Variants in TNNI3K observed in about 807,000 individuals in gnomAD.
The protein encoded by TNNI3K is serine/threonine-protein kinase TNNI3K.
In TNNI3K, 140 loss-of-function variants were observed where a neutral mutation model predicts 114.5. The observed-to-expected ratio is 1.22, with a 90% confidence interval of 1.07 to 1.41. The LOEUF is 1.41. Among genes scored for constraint, TNNI3K ranks in the 40% most tolerant of loss-of-function variants. The pLI, the probability that TNNI3K is intolerant of heterozygous loss-of-function variation, is 0.00. For missense variants in TNNI3K, 1,125 were observed against 1,007.6 expected (o/e 1.12, Z -1.58); for synonymous variants, 347 against 347.5 (o/e 1.00, Z 0.02).
intron 2 of TNNI3K, among the ~76,000 whole-genome samples, chr1:74,247,690 C>T (rs1654662805): frequency 6.6e-6 from 1 of 152,170 alleles, no homozygotes; most frequent in Non-Finnish European, 1.5e-5. Flanking sequence ...TCCAAGTCCC[C>T]ACCAGATTAG....
At position 74,417,146 on chromosome 1, in the gene TNNI3K, G is replaced by A. The variant is rs574906232; in HGVS notation, c.1773-18934G>A. Reference sequence around the variant, plus strand: ...AAAGAGAGAGAAATGCGTAATAATGGCATTTTGATTATTCAGGGAAATATA... The same window carrying A: ...AAAGAGAGAGAAATGCGTAATAATGACATTTTGATTATTCAGGGAAATATA... On this transcript the variant is annotated intron_variant, in intron 17 of 24. Coordinates refer to ENST00000326637, the MANE Select transcript of TNNI3K (RefSeq NM_015978.3). Among the ~76,000 whole-genome samples the A allele has an allele frequency of 2.6e-5, 4 of 152,102 alleles. No individual in the cohort carries two copies. In the South Asian group the frequency reaches 8.3e-4, roughly 32 times the overall value.
intron 21 of TNNI3K, among the ~76,000 whole-genome samples, chr1:74,486,234 G>GAGAGAGAGAGAGAGAGT (rs1381381282): frequency 1.8e-5 from 1 of 56,262 alleles, no homozygotes; most frequent in African/African-American, 4.2e-5. Flanking sequence ...AGAGAGAGAG[G>GAGAGAGAGAGAGAGAGT]TGGGAAATAT....
chr1:74,354,778 TAAAG>T (rs1170464628), intron 11 of TNNI3K, among the ~76,000 whole-genome samples: 8 of 152,216 alleles, frequency 5.3e-5, no homozygotes, highest in African/African-American at 1.7e-4. Flanking sequence ...TATAAGATTG[TAAAG>T]ATTAAATGAG....
intron 17 of TNNI3K, among the ~76,000 whole-genome samples, chr1:74,425,991 G>T (rs982896952): frequency 1.3e-5 from 1 of 75,252 alleles, no homozygotes; most frequent in African/African-American, 5.5e-5. Flanking sequence ...GACGCTGAAA[G>T]GTTCAGTGAA....
chr1:74,478,669 C>T (rs1391198573), intron 21 of TNNI3K, among the ~76,000 whole-genome samples: 1 of 152,174 alleles, frequency 6.6e-6, no homozygotes, highest in African/African-American at 2.4e-5. Flanking sequence ...ACGAGAAGTG[C>T]TGCAGTGAGT....
rs569714335 is a variant in TNNI3K, at chr1:74,289,770, T to A, written c.444+18062T>A. ...AACCTCATACTTAGAAAATTATATG[T>A]GTCTAGTCCTTCTCCAACTTGATTT... On this transcript the variant is annotated intron_variant, in intron 5 of 24. Transcript: ENST00000326637. Among the ~76,000 whole-genome samples the A allele has an allele frequency of 2.6e-5, 4 of 152,074 alleles. No individual in the cohort carries two copies. The South Asian group carries it at 8.3e-4, about 32-fold the overall frequency.
At chr1:74,308,785 G>A (rs919645807) in intron 5 of TNNI3K, among the ~76,000 whole-genome samples, 1 of 151,904 alleles carries the variant, frequency 6.6e-6, no homozygotes, top group African/African-American at 2.4e-5. Flanking sequence ...AAAGAGAGAA[G>A]ACTCAAATAA....
intron 20 of TNNI3K, among the ~76,000 whole-genome samples, chr1:74,445,298 C>T (rs1162075442): frequency 6.8e-6 from 1 of 146,042 alleles, no homozygotes; most frequent in Non-Finnish European, 1.5e-5. Flanking sequence ...TATACATGTG[C>T]CGTGCTGGTG....
chr1:74,405,647 G>A (rs1664579064), intron 17 of TNNI3K, among the ~76,000 whole-genome samples: 1 of 151,984 alleles, frequency 6.6e-6, no homozygotes, highest in African/African-American at 2.4e-5. Context: ...CACATCAGGA[G>A]GAAAGATTAA....
chr1:74,310,769 GT>G (rs914662593), intron 5 of TNNI3K, among the ~76,000 whole-genome samples: 12 of 152,230 alleles, frequency 7.9e-5, no homozygotes, highest in African/African-American at 2.9e-4. Flanking sequence ...TTGTTTTAAT[GT>G]TTTTTAATGA....
intron 17 of TNNI3K, among the ~76,000 whole-genome samples, chr1:74,433,353 G>C (rs1665979814): frequency 6.6e-6 from 1 of 152,030 alleles, no homozygotes; most frequent in Non-Finnish European, 1.5e-5. Context: ...CACAGGTTCT[G>C]CCAGCTTCAA....
chr1:74,412,328 A>G (rs1382793200), intron 17 of TNNI3K, among the ~76,000 whole-genome samples: 1 of 152,086 alleles, frequency 6.6e-6, no homozygotes, highest in African/African-American at 2.4e-5. Flanking sequence ...GTCTGTTCCT[A>G]CCCTGACTGA....
At chr1:74,506,521 C>G (rs1359510927) in intron 23 of TNNI3K, among the ~76,000 whole-genome samples, 1 of 152,150 alleles carries the variant, frequency 6.6e-6, no homozygotes, top group East Asian at 1.9e-4. Flanking sequence ...GAGCAAATCC[C>G]TTTCTGCCCT....
rs78177135 is a variant in TNNI3K at position 74,272,385 on chromosome 1, C to A, written c.444+677C>A. On this transcript the variant is annotated intron_variant, in intron 5 of 24. Transcript: ENST00000326637. The stretch of plus-strand genomic sequence containing the variant: ...ATGAAAACAACGAGAGAGAAGGGGG[C>A]ACTATTTAAAATAAGCTGTACAGTA... Among the ~76,000 whole-genome samples the A allele has an allele frequency of 3.2e-4, 48 of 151,804 alleles. 1 individual carries two copies. The East Asian group carries it at 9.3e-3, about 29-fold the overall frequency.
intron 3 of TNNI3K, among the ~76,000 whole-genome samples, chr1:74,250,277 T>C (rs1654847465): frequency 6.6e-6 from 1 of 152,222 alleles, no homozygotes; most frequent in South Asian, 2.1e-4. Context: ...GGTTATATCC[T>C]TCATATTTCT....
intron 4 of TNNI3K, among the ~76,000 whole-genome samples, chr1:74,269,348 A>G (rs1235877428): frequency 6.6e-6 from 1 of 151,860 alleles, no homozygotes; most frequent in Non-Finnish European, 1.5e-5. Flanking sequence ...CAGTGTCACC[A>G]CTGCTCAGAA....
intron 11 of TNNI3K, among the ~76,000 whole-genome samples, chr1:74,363,100 G>C (rs1286370997): frequency 6.6e-6 from 1 of 152,058 alleles, no homozygotes; most frequent in Admixed American, 6.6e-5. Context: ...CCATTAGTGT[G>C]CCTTGGTTAT....
At chr1:74,308,818 T>C (rs1557488371) in intron 5 of TNNI3K, among the ~76,000 whole-genome samples, 2 of 151,718 alleles carry the variant, frequency 1.3e-5, no homozygotes, top group Middle Eastern at 3.4e-3. Flanking sequence ...GTGACAAAAA[T>C]AACAACAACT....
chr1:74,342,766 C>A, intron 7 of TNNI3K, 76 bp from the exon 8 acceptor site: 1 of 1,552,388 alleles, frequency 6.4e-7, no homozygotes, highest in South Asian at 1.2e-5. Flanking sequence ...TAGAAATGTC[C>A]ATGATACTAT....
Sources: allele counts gnomAD v4.1 joint callset (sites outside exome capture counted in the v4.1 genomes callset), GRCh38; gene constraint gnomAD v4.1.1; transcripts MANE v1.5; gene names NCBI Gene and HGNC (gene_info 2026-07-23, HGNC 2026-07-21).